STAG2: variants seen among roughly 807,000 people sequenced by gnomAD.
STAG2 encodes the protein STAG2 cohesin complex component, also known as cohesin subunit SA-2.
Under a neutral mutation model 108.1 loss-of-function variants are expected in STAG2, and 14 were observed. The observed-to-expected ratio is 0.13, with a 90% confidence interval of 0.09 to 0.20. The LOEUF (loss-of-function observed/expected upper bound fraction) is 0.20. Ranked by LOEUF, STAG2 falls within the 10% of genes least tolerant of loss-of-function variation. STAG2 has a pLI of 1.00. For missense variants in STAG2, 440 were observed against 940.9 expected (o/e 0.47, Z 6.96); for synonymous variants, 307 against 302.7 (o/e 1.01, Z -0.15).
chrX:124,068,858 G>T (rs2058600212), intron 24 of STAG2, among the ~76,000 whole-genome samples: 1 of 111,924 alleles, frequency 8.9e-6, no homozygotes, highest in Non-Finnish European at 1.9e-5. Context: ...GTTTATAATT[G>T]CATTATAGAT....
At chrX:123,974,991 T>C (rs896686824) in intron 1 of STAG2, among the ~76,000 whole-genome samples, 1 of 111,899 alleles carries the variant, frequency 8.9e-6, no homozygotes, top group African/African-American at 3.2e-5. Flanking sequence ...ATAACCTCTT[T>C]CCTTAGATTT....
intron 1 of STAG2, among the ~76,000 whole-genome samples, chrX:123,999,796 G>C (rs2055937433): frequency 9.0e-6 from 1 of 110,499 alleles, no homozygotes; most frequent in Non-Finnish European, 1.9e-5. Flanking sequence ...TATATATTTT[G>C]TGTAGCCGGG....
At chrX:124,004,421 C>CAT (rs2056194466) in intron 1 of STAG2, among the ~76,000 whole-genome samples, 2 of 112,223 alleles carry the variant, frequency 1.8e-5, no homozygotes, top group South Asian at 3.6e-4. Flanking sequence ...AGGTACCTCA[C>CAT]ATATATATTC....
At chrX:124,063,744 A>T in intron 19 of STAG2, 104 bp from the exon 20 acceptor site, 1 of 580,557 alleles carries the variant, frequency 1.7e-6, no homozygotes, top group Non-Finnish European at 2.8e-6. Flanking sequence ...TGTGTTGTAG[A>T]CTTACTGTAT....
chrX:124,038,073 A>G (rs2057574322), intron 6 of STAG2, among the ~76,000 whole-genome samples: 1 of 112,499 alleles, frequency 8.9e-6, no homozygotes, highest in Admixed American at 9.5e-5. Flanking sequence ...AGGTATTGAT[A>G]AAATCGACAT....
intron 23 of STAG2, among the ~76,000 whole-genome samples, chrX:124,066,708 A>G (rs1425580081): frequency 8.9e-6 from 1 of 111,872 alleles, no homozygotes; most frequent in Non-Finnish European, 1.9e-5. Context: ...AGCCTTTGAA[A>G]CAGATATAAG....
chrX:124,068,157 G>A (rs776412356), intron 23 of STAG2, among the ~76,000 whole-genome samples: 1 of 111,941 alleles, frequency 8.9e-6, no homozygotes, highest in African/African-American at 3.2e-5. Flanking sequence ...ACAAGAAATG[G>A]AAGATGCTGT....
chrX:124,006,731 G>A lies in STAG2; in HGVS notation c.-162-14636G>A, dbSNP rs750475463. ...TGGGATTACAGGCGTGAGCCACCGT[G>A]CCCGGGCTGTCACTATTTTTTTATT... On this transcript the variant is annotated intron_variant, in intron 1 of 34. Transcript: ENST00000371145. 4.9e-3 allele frequency among the ~76,000 whole-genome samples: 542 copies of A among 110,989 alleles called. 4 individuals are homozygous for A. The highest frequency in any genetic ancestry group is 0.016 in the African/African-American group (485 of 30,572).
chrX:124,097,526 T>A (rs1181605407), intron 34 of STAG2, among the ~76,000 whole-genome samples: 1 of 111,839 alleles, frequency 8.9e-6, no homozygotes. Context: ...AAGTTGGTGC[T>A]AAAGCGAATA....
chrX:123,992,740 A>G (rs1467803855), intron 1 of STAG2, among the ~76,000 whole-genome samples: 2 of 111,015 alleles, frequency 1.8e-5, no homozygotes, highest in Non-Finnish European at 3.8e-5. Context: ...GGGTCTCACC[A>G]TGTTCCCCAG....
rs767229579 is a variant in STAG2 at position 124,063,839 on chromosome X, A to G, written c.1822-9A>G. On this transcript the variant is annotated splice_polypyrimidine_tract_variant and intron_variant, in intron 19 of 34. Coordinates refer to ENST00000371145, the MANE Select transcript of STAG2 (RefSeq NM_001042750.2). The stretch of plus-strand genomic sequence containing the variant: ...CTTAGTTTTGATGAAAAATATTATT[A>G]TTTTGCAGCATTTGGATGCCTTATT... The G allele has an allele frequency of 5.6e-5, 67 of 1,196,626 alleles. No homozygotes were observed. Among genetic ancestry groups the G allele is most frequent in the Non-Finnish European group, 7.4e-5 (65 of 883,805 alleles).
intron 27 of STAG2, among the ~76,000 whole-genome samples, chrX:124,079,246 C>T (rs2058886783): frequency 9.3e-6 from 1 of 107,887 alleles, no homozygotes; most frequent in Non-Finnish European, 1.9e-5. Flanking sequence ...TCACGCCATT[C>T]TCCTGCCTCA....
Position 124,031,368 on chromosome X carries a change from A to T in STAG2, c.288+243A>T, listed in dbSNP as rs187972249. Among the ~76,000 whole-genome samples, 102 of 103,406 alleles carry T rather than the reference A, an allele frequency of 9.9e-4. 2 individuals carry two copies. Among genetic ancestry groups the T allele is most frequent in the East Asian group, 3.3e-3 (11 of 3,330 alleles). The allele number at this position is 103,406 out of a possible 115,157, so 89.8% of individuals were successfully genotyped here. On this transcript the variant is annotated intron_variant, in intron 5 of 34. Coordinates refer to ENST00000371145, the MANE Select transcript of STAG2 (RefSeq NM_001042750.2). ...TTTCTTATTTATTTTATTTTATTTT[A>T]TTTTTTTTTGAGACAGAGTCTCGCT...
chrX:124,061,370 T>C (rs2058370964), intron 16 of STAG2, 29 bp downstream of exon 16: 2 of 1,050,910 alleles, frequency 1.9e-6, no homozygotes, highest in Non-Finnish European at 2.6e-6. Context: ...GATATTTTTG[T>C]TTAGACAGTT....
intron 1 of STAG2, among the ~76,000 whole-genome samples, chrX:123,976,856 ACATGG>A (rs2054644582): frequency 8.9e-6 from 1 of 111,980 alleles, no homozygotes; most frequent in African/African-American, 3.2e-5. Flanking sequence ...ACACTCCTTT[ACATGG>A]TGATACACTG....
At chrX:123,982,190 A>G (rs1169755638) in intron 1 of STAG2, among the ~76,000 whole-genome samples, 2 of 108,146 alleles carry the variant, frequency 1.8e-5, no homozygotes, top group Non-Finnish European at 3.8e-5. Flanking sequence ...AAAAAAAAAA[A>G]AAAAGCCATA....
At chrX:123,988,480 C>G (rs1420601465) in intron 1 of STAG2, among the ~76,000 whole-genome samples, 1 of 109,779 alleles carries the variant, frequency 9.1e-6, no homozygotes, top group Non-Finnish European at 1.9e-5. Flanking sequence ...GATATATGTT[C>G]CATTGCAGTA....
intron 2 of STAG2, 46 bp from the exon 3 acceptor site, chrX:124,022,485 T>C (rs1410355273): frequency 2.2e-6 from 1 of 460,192 alleles, no homozygotes; most frequent in Non-Finnish European, 3.6e-6. Context: ...CCTTTCCGAA[T>C]ATTTTTGGTG....
Position 124,101,837 on chromosome X carries a change from G to A in STAG2, c.*1240G>A, listed in dbSNP as rs1482500690. The A allele has an allele frequency of 6.2e-6, 1 of 160,289 alleles. No individual in the cohort carries two copies. The allele number at this position is 160,289 out of a possible 1,213,427, so 13.2% of individuals were successfully genotyped here. A position where few individuals can be genotyped will look rare whatever the true frequency, so the allele number is the denominator to read the frequency against. Reference sequence around the variant, plus strand: ...TTTATGTCCTTTCACAAATAAATTAGTTTAAAACAGAAAGTGGCTACTTGC... The same window carrying A: ...TTTATGTCCTTTCACAAATAAATTAATTTAAAACAGAAAGTGGCTACTTGC... On this transcript the variant is annotated 3_prime_UTR_variant, in exon 35 of 35. Coordinates refer to ENST00000371145, the MANE Select transcript of STAG2 (RefSeq NM_001042750.2).
Sources: allele counts gnomAD v4.1 joint callset (sites outside exome capture counted in the v4.1 genomes callset), GRCh38; gene constraint gnomAD v4.1.1; transcripts MANE v1.5; gene names NCBI Gene and HGNC (gene_info 2026-07-23, HGNC 2026-07-21).